Variants in MSI2 observed in about 807,000 individuals in gnomAD.
MSI2 encodes RNA-binding protein Musashi homolog 2.
A neutral mutation model predicts 45.6 loss-of-function variants in MSI2; 17 were observed. The observed-to-expected ratio is 0.37, with a 90% confidence interval of 0.26 to 0.56. The LOEUF (loss-of-function observed/expected upper bound fraction) is 0.56. MSI2 is among the 20% of genes least tolerant of loss of function. The probability of loss-of-function intolerance (pLI) is 0.77; values close to 1 mark genes in which losing one functional copy is unlikely to be tolerated. For missense variants in MSI2, 293 were observed against 444.2 expected, an observed-to-expected ratio of 0.66 and a Z score of 3.06; for synonymous variants, 156 against 158.2, an observed-to-expected ratio of 0.99 and a Z score of 0.11.
downstream of MSI2, among the ~76,000 whole-genome samples, chr17:57,687,513 A>G (rs1206732861): frequency 1.3e-5 from 2 of 152,048 alleles, no homozygotes; most frequent in Non-Finnish European, 2.9e-5. Context: ...GGGAATCAGA[A>G]AATTTCTTAG....
intron 5 of MSI2, among the ~76,000 whole-genome samples, chr17:57,347,724 C>T (rs896000475): frequency 1.2e-4 from 19 of 152,190 alleles, no homozygotes; most frequent in African/African-American, 4.6e-4. Context: ...GTAGGTTTGT[C>T]TCTAGGTTCT....
intron 6 of MSI2, among the ~76,000 whole-genome samples, chr17:57,488,974 A>G (rs1351596453): frequency 6.6e-6 from 1 of 152,204 alleles, no homozygotes; most frequent in Admixed American, 6.5e-5. Context: ...GAGGGAACAC[A>G]CTGCCAGGAG....
At position 57,410,858 on chromosome 17, in the gene MSI2, C is replaced by T. The variant is rs1208022114; in HGVS notation, c.405+9387C>T. On this transcript the variant is annotated intron_variant, in intron 6 of 13. Transcript: ENST00000284073. ...AGTGAGAGTATGGAATGATCAGAGA[C>T]GGGCTTCCTGATCTTATTCCCAGCT... 2.0e-5 allele frequency among the ~76,000 whole-genome samples: 3 copies of T among 152,120 alleles called. No individual in the cohort carries two copies. The East Asian group carries it at 5.8e-4, about 29-fold the overall frequency.
At chr17:57,262,839 T>C (rs1183980584) in intron 5 of MSI2, among the ~76,000 whole-genome samples, 1 of 152,222 alleles carries the variant, frequency 6.6e-6, no homozygotes, top group Admixed American at 6.5e-5. Flanking sequence ...GCTTCACTTT[T>C]TTAGAAGTGT....
intron 5 of MSI2, chr17:57,285,936 A>C: frequency 6.5e-7 from 1 of 1,534,522 alleles, no homozygotes; most frequent in Non-Finnish European, 8.7e-7. Context: ...TATCACGTGA[A>C]TCAGTATCTT....
At chr17:57,543,749 A>G (rs1469591049) in intron 7 of MSI2, among the ~76,000 whole-genome samples, 1 of 152,122 alleles carries the variant, frequency 6.6e-6, no homozygotes, top group Non-Finnish European at 1.5e-5. Flanking sequence ...ATGCTGTCTT[A>G]CCTTTTCAAA....
At chr17:57,273,678 C>T (rs1908600112) in intron 5 of MSI2, among the ~76,000 whole-genome samples, 1 of 152,142 alleles carries the variant, frequency 6.6e-6, no homozygotes, top group African/African-American at 2.4e-5. Context: ...TTTATTGCCA[C>T]GTCATCCTGT....
intron 5 of MSI2, among the ~76,000 whole-genome samples, chr17:57,329,087 G>A (rs548032985): frequency 1.3e-5 from 2 of 152,168 alleles, no homozygotes; most frequent in Non-Finnish European, 2.9e-5. Flanking sequence ...GACTCTAGCT[G>A]GTGTGTGCCC....
chr17:57,564,990 A>C (rs2087693124), intron 7 of MSI2, among the ~76,000 whole-genome samples: 1 of 152,226 alleles, frequency 6.6e-6, no homozygotes, highest in Non-Finnish European at 1.5e-5. Flanking sequence ...TAACAGTGCT[A>C]GATGCTGTCC....
intron 10 of MSI2, chr17:57,632,315 C>CA (rs1422362295): frequency 9.4e-7 from 1 of 1,068,918 alleles, no homozygotes; most frequent in African/African-American, 1.6e-5. Flanking sequence ...CACACAGAGA[C>CA]AGACTATTCT....
intron 10 of MSI2, among the ~76,000 whole-genome samples, chr17:57,645,322 T>C (rs1213162555): frequency 6.6e-6 from 1 of 152,206 alleles, no homozygotes; most frequent in Non-Finnish European, 1.5e-5. Flanking sequence ...CAGGAGCCCC[T>C]TTGCTTCTGC....
Position 57,477,584 on chromosome 17 carries a change from G to T in MSI2, c.406-52092G>T, listed in dbSNP as rs2085566298. 2.0e-5 allele frequency among the ~76,000 whole-genome samples: 3 copies of T among 152,310 alleles called. No homozygotes were observed. In the South Asian group the frequency reaches 6.2e-4, roughly 32 times the overall value. ...GGCCCTCACCCCCTAGCCCTGCAAA[G>T]ACTGTACACATTTGTACAAAGCCTA... On this transcript the variant is annotated intron_variant, in intron 6 of 13. Transcript: ENST00000284073.
chr17:57,586,172 G>A (rs1258821020), intron 7 of MSI2, among the ~76,000 whole-genome samples: 1 of 152,206 alleles, frequency 6.6e-6, no homozygotes, highest in Non-Finnish European at 1.5e-5. Context: ...GAGCGCACTC[G>A]GAATTAAATG....
intron 5 of MSI2, among the ~76,000 whole-genome samples, chr17:57,285,554 G>A (rs1909795565): frequency 6.6e-6 from 1 of 152,148 alleles, no homozygotes; most frequent in Admixed American, 6.5e-5. Context: ...GCTGGGGTGT[G>A]GGGAAAGTAT....
Position 57,340,307 on chromosome 17 carries a change from G to T in MSI2, c.313-61072G>T, listed in dbSNP as rs572908041. Among the ~76,000 whole-genome samples, 54 of 152,278 alleles carry T rather than the reference G, an allele frequency of 3.5e-4. 1 individual carries two copies. The Middle Eastern group carries it at 0.014, about 38-fold the overall frequency. On this transcript the variant is annotated intron_variant, in intron 5 of 13. Transcript: ENST00000284073. Reference sequence around the variant, plus strand: ...ACTACACTGCACTGCCTTAACCCTTGTGCTGTACTTAACCCTTTTGCCAGT... The same window carrying T: ...ACTACACTGCACTGCCTTAACCCTTTTGCTGTACTTAACCCTTTTGCCAGT...
intron 6 of MSI2, among the ~76,000 whole-genome samples, chr17:57,439,891 A>C (rs868039183): frequency 3.3e-5 from 5 of 152,148 alleles, no homozygotes; most frequent in African/African-American, 1.2e-4. Context: ...TGAAACAATG[A>C]AGAGAATTGA....
chr17:57,585,210 A>G lies in MSI2; in HGVS notation c.455-11658A>G, dbSNP rs541823448. ...TCCCTGTCCTGAATCTTATCCCATC[A>G]TGATAGTTGGTAAAGCACCATGAAC... On this transcript the variant is annotated intron_variant, in intron 7 of 13. Coordinates refer to ENST00000284073, the MANE Select transcript of MSI2 (RefSeq NM_138962.4). Among the ~76,000 whole-genome samples the G allele has an allele frequency of 5.3e-5, 8 of 152,324 alleles. No homozygotes were observed. In the East Asian group the frequency reaches 9.6e-4, roughly 18 times the overall value.
At chr17:57,547,655 A>T (rs2087199739) in intron 7 of MSI2, among the ~76,000 whole-genome samples, 2 of 151,960 alleles carry the variant, frequency 1.3e-5, no homozygotes, top group African/African-American at 4.8e-5. Context: ...TGGAAGGAAC[A>T]CATTTTAAGA....
chr17:57,544,834 C>G (rs569651843), intron 7 of MSI2, among the ~76,000 whole-genome samples: 2 of 152,316 alleles, frequency 1.3e-5, no homozygotes, highest in East Asian at 3.9e-4. Context: ...CTACCCTCCC[C>G]CTTTCAAAGG....
Sources: allele counts gnomAD v4.1 joint callset (sites outside exome capture counted in the v4.1 genomes callset), GRCh38; gene constraint gnomAD v4.1.1; transcripts MANE v1.5; gene names NCBI Gene and HGNC (gene_info 2026-07-23, HGNC 2026-07-21).